CALD1: variants seen among roughly 807,000 people sequenced by gnomAD.
The protein encoded by CALD1 is caldesmon 1.
CALD1 carries 33 observed loss-of-function variants against 99.9 expected under a neutral mutation model. The observed-to-expected ratio is 0.33, with a 90% CI of 0.25 to 0.44. The LOEUF is 0.44. Ranked by LOEUF, CALD1 falls within the 20% of genes least tolerant of loss-of-function variation. The probability of loss-of-function intolerance (pLI) is 1.00; values close to 1 mark genes in which losing one functional copy is unlikely to be tolerated. For synonymous variants in CALD1, 310 were observed against 325.0 expected (o/e 0.95, Z 0.50); for missense variants, 861 against 962.1 (o/e 0.89, Z 1.39).
At chr7:134,729,834 C>T in the CALD1 span, among the ~76,000 whole-genome samples, 1 of 152,198 alleles carries the variant, frequency 6.6e-6, no homozygotes, top group African/African-American at 2.4e-5. Context: ...GCAAAGATAG[C>T]AACATGTGTA....
At chr7:134,863,114 T>A in intron 2 of CALD1, among the ~76,000 whole-genome samples, 1 of 152,162 alleles carries the variant, frequency 6.6e-6, no homozygotes, top group Admixed American at 6.5e-5. Context: ...GGGACCACCC[T>A]AATCACCTCA....
the CALD1 span, among the ~76,000 whole-genome samples, chr7:134,716,051 G>A: frequency 6.6e-6 from 1 of 152,124 alleles, no homozygotes; most frequent in African/African-American, 2.4e-5. Context: ...CTGGTCTGCT[G>A]CAGCCATACA....
At chr7:134,895,609 T>C (rs1422481703) in intron 3 of CALD1, among the ~76,000 whole-genome samples, 1 of 152,174 alleles carries the variant, frequency 6.6e-6, no homozygotes, top group Non-Finnish European at 1.5e-5. Context: ...TGTTCTGCTG[T>C]AGCCAAGAGT....
intron 3 of CALD1, among the ~76,000 whole-genome samples, chr7:134,872,994 C>A (rs949153664): frequency 5.5e-4 from 83 of 152,106 alleles, no homozygotes; most frequent in African/African-American, 1.9e-3. Context: ...ACCAGCCTGG[C>A]CAACATGGTG....
At chr7:134,822,545 A>T (rs991236416) in intron 1 of CALD1, among the ~76,000 whole-genome samples, 4 of 152,236 alleles carry the variant, frequency 2.6e-5, no homozygotes, top group African/African-American at 9.6e-5. Flanking sequence ...TTAATAAGTT[A>T]TGCATTTGTT....
intron 3 of CALD1, among the ~76,000 whole-genome samples, chr7:134,911,868 A>C (rs1203527909): frequency 6.6e-6 from 1 of 152,246 alleles, no homozygotes; most frequent in Non-Finnish European, 1.5e-5. Flanking sequence ...ATAATATGGG[A>C]GATAATACAC....
the CALD1 span, among the ~76,000 whole-genome samples, chr7:134,731,117 CCT>C: frequency 6.6e-6 from 1 of 152,248 alleles, no homozygotes; most frequent in Admixed American, 6.5e-5. Flanking sequence ...CCCAACATCT[CCT>C]CCTGCCTGCC....
At chr7:134,757,712 C>G (rs887044299) in intron 1 of CALD1, among the ~76,000 whole-genome samples, 6 of 151,962 alleles carry the variant, frequency 3.9e-5, no homozygotes, top group African/African-American at 1.5e-4. Context: ...AACCCTGTCT[C>G]TACTAAAAAT....
At chr7:134,770,443 A>G (rs1476062132) in intron 1 of CALD1, among the ~76,000 whole-genome samples, 2 of 152,120 alleles carry the variant, frequency 1.3e-5, no homozygotes, top group Non-Finnish European at 2.9e-5. Context: ...TGGGGCCCTG[A>G]GGGAGACTGC....
intron 1 of CALD1, among the ~76,000 whole-genome samples, chr7:134,829,957 T>C (rs6973958): frequency 0.11 from 16,262 of 151,996 alleles, 1,602 homozygotes; most frequent in African/African-American, 0.26. Flanking sequence ...AAGGAGGAAG[T>C]GTATGAAATG....
intron 1 of CALD1, among the ~76,000 whole-genome samples, chr7:134,769,508 G>C (rs2131623534): frequency 6.6e-6 from 1 of 152,142 alleles, no homozygotes; most frequent in South Asian, 2.1e-4. Flanking sequence ...ATCATTTCAA[G>C]GCTTTTGACC....
chr7:134,806,207 G>A (rs56076739), intron 1 of CALD1, among the ~76,000 whole-genome samples: 41,879 of 152,160 alleles, frequency 0.28, 7,018 homozygotes, highest in East Asian at 0.65. Flanking sequence ...CAGTTTCACT[G>A]GTTCTAGGCC....
chr7:134,765,148 C>G (rs947701179), intron 1 of CALD1, among the ~76,000 whole-genome samples: 1 of 151,946 alleles, frequency 6.6e-6, no homozygotes, highest in Non-Finnish European at 1.5e-5. Context: ...AACCCTGTCT[C>G]TACTAAAAAT....
Position 134,783,614 on chromosome 7 carries a change from G to A in CALD1, c.-130+3865G>A, listed in dbSNP as rs1036125640. On this transcript the variant is annotated intron_variant, in intron 1 of 14. Coordinates refer to ENST00000361675, the MANE Select transcript of CALD1 (RefSeq NM_033138.4). This position sits in a 1 kb window ranked among gnomAD's most constrained non-coding sequence, Gnocchi z 4.3. Reference sequence around the variant, plus strand: ...GGGAGGGGTGATGAGGTTGTTCCCTGTGTTGTTCTTCCCTGTGTTGTTGCT... The same window carrying A: ...GGGAGGGGTGATGAGGTTGTTCCCTATGTTGTTCTTCCCTGTGTTGTTGCT... 1.3e-5 allele frequency among the ~76,000 whole-genome samples: 2 copies of A among 152,150 alleles called. No homozygotes were observed. Among genetic ancestry groups the A allele is most frequent in the Non-Finnish European group, 2.9e-5 (2 of 68,030 alleles).
rs151100794 is a variant in CALD1, at chr7:134,835,673, G to A, written c.-129-8211G>A. Among the ~76,000 whole-genome samples the A allele has an allele frequency of 5.2e-3, 788 of 152,284 alleles. 6 individuals carry two copies. The highest frequency in any genetic ancestry group is 7.7e-3 in the Non-Finnish European group (526 of 68,024). ...TCGTGATGACGTGTAGCCTGAACTA[G>A]AATTTATTGACTTGAGACACTCTTT... On this transcript the variant is annotated intron_variant, in intron 1 of 14. Transcript: ENST00000361675.
At chr7:134,921,201 G>T (rs1182536058) in intron 3 of CALD1, among the ~76,000 whole-genome samples, 1 of 152,192 alleles carries the variant, frequency 6.6e-6, no homozygotes, top group Non-Finnish European at 1.5e-5. Flanking sequence ...TCTCATGTAT[G>T]AAAGACTGTT....
At chr7:134,753,122 T>C (rs1796700073) in intron 1 of CALD1, among the ~76,000 whole-genome samples, 1 of 151,956 alleles carries the variant, frequency 6.6e-6, no homozygotes, top group Non-Finnish European at 1.5e-5. Context: ...ATTGGGTCCA[T>C]GCTGCAAAAT....
chr7:134,960,190 A>C (rs1808153611), intron 12 of CALD1, 79 bp downstream of exon 12: 3 of 1,484,890 alleles, frequency 2.0e-6, no homozygotes, highest in Middle Eastern at 1.7e-4. Flanking sequence ...GAATCACACT[A>C]GTAAATAATA....
At chr7:134,758,501 GGTGTGTGTGTGT>G (rs59389296) in intron 1 of CALD1, among the ~76,000 whole-genome samples, 15 of 145,218 alleles carry the variant, frequency 1.0e-4, no homozygotes, top group African/African-American at 1.3e-4. Context: ...CTCCCATTGG[GGTGTGTGTGTGT>G]GTGTGTGTGT....
Sources: gnomAD v4.1 joint callset for allele counts (sites outside exome capture counted in the v4.1 genomes callset) on GRCh38, gnomAD v4.1.1 for gene constraint, Gnocchi (gnomAD v3.1) non-coding constraint, MANE v1.5 for transcripts, NCBI Gene and HGNC (gene_info 2026-07-23, HGNC 2026-07-21) for gene names.